Variants in ZPBP observed in about 807,000 individuals in gnomAD.
ZPBP encodes zona pellucida binding protein.
Under a neutral mutation model 44.8 loss-of-function variants are expected in ZPBP, and 26 were observed. That is an observed-to-expected ratio of 0.58 (90% confidence interval 0.43 to 0.81). The LOEUF (loss-of-function observed/expected upper bound fraction) is 0.81, where lower values mean the gene tolerates loss of function less well. Ranked by LOEUF, ZPBP falls within the 30% of genes least tolerant of loss-of-function variation. The pLI is 0.00. For missense variants in ZPBP, 409 were observed against 434.0 expected (o/e 0.94, Z 0.51); for synonymous variants, 174 against 153.2 (o/e 1.14, Z -1.00).
chr7:50,044,208 AG>A (rs1383808711), intron 4 of ZPBP, among the ~76,000 whole-genome samples: 1 of 152,234 alleles, frequency 6.6e-6, no homozygotes, highest in Admixed American at 6.5e-5. Flanking sequence ...CACAGGAGAA[AG>A]CAGGAAAGAT....
intron 6 of ZPBP, among the ~76,000 whole-genome samples, chr7:49,988,262 T>C (rs752848448): frequency 1.3e-5 from 2 of 152,206 alleles, no homozygotes; most frequent in Non-Finnish European, 2.9e-5. Flanking sequence ...TTTCATATCA[T>C]CAAGTGTTTT....
chr7:49,963,963 T>TA (rs1433602015), intron 7 of ZPBP, among the ~76,000 whole-genome samples: 1 of 151,834 alleles, frequency 6.6e-6, no homozygotes, highest in East Asian at 1.9e-4. Flanking sequence ...GTTAGCAAAT[T>TA]AGATACAGCA....
chr7:49,976,955 A>T (rs1304031550), intron 7 of ZPBP, among the ~76,000 whole-genome samples: 1 of 151,832 alleles, frequency 6.6e-6, no homozygotes, highest in African/African-American at 2.4e-5. Context: ...ACAAAAAATT[A>T]CCCGGGCACG....
At chr7:50,035,416 G>T (rs1799785819) in intron 4 of ZPBP, among the ~76,000 whole-genome samples, 1 of 152,174 alleles carries the variant, frequency 6.6e-6, no homozygotes, top group African/African-American at 2.4e-5. Flanking sequence ...CACCATAAGT[G>T]CAAATATCAA....
chr7:49,983,300 T>G, intron 7 of ZPBP, 42 bp downstream of exon 7: 1 of 1,592,348 alleles, frequency 6.3e-7, no homozygotes, highest in Non-Finnish European at 8.6e-7. Context: ...AACACATAAA[T>G]TTTCAACAAT....
intron 1 of ZPBP, among the ~76,000 whole-genome samples, chr7:50,092,695 TG>T (rs1803053058): frequency 6.6e-6 from 1 of 152,228 alleles, no homozygotes; most frequent in Non-Finnish European, 1.5e-5. Flanking sequence ...ACGGATAATT[TG>T]AAAGCAGCAG....
At chr7:50,019,220 A>G (rs973094415) in intron 5 of ZPBP, among the ~76,000 whole-genome samples, 3 of 152,088 alleles carry the variant, frequency 2.0e-5, no homozygotes, top group Non-Finnish European at 4.4e-5. Flanking sequence ...TAATTTATCT[A>G]CCAATCTTGA....
chr7:49,897,771 G>T (rs1192400326), intron 2 of ZPBP, among the ~76,000 whole-genome samples: 3 of 152,178 alleles, frequency 2.0e-5, no homozygotes, highest in Non-Finnish European at 2.9e-5. Context: ...CTGATGAATT[G>T]CTGGAAGTTT....
At chr7:49,984,604 T>C (rs1177332446) in intron 6 of ZPBP, among the ~76,000 whole-genome samples, 2 of 152,198 alleles carry the variant, frequency 1.3e-5, no homozygotes, top group African/African-American at 4.8e-5. Context: ...ATAGGGTTTG[T>C]GATCCAATGA....
chr7:50,011,080 C>G (rs1562843539), intron 6 of ZPBP, among the ~76,000 whole-genome samples: 1 of 152,000 alleles, frequency 6.6e-6, no homozygotes, highest in Non-Finnish European at 1.5e-5. Context: ...GTCAACTGAT[C>G]ATCAACAAGG....
At chr7:49,965,617 GT>G (rs1034005120) in intron 7 of ZPBP, among the ~76,000 whole-genome samples, 1 of 151,930 alleles carries the variant, frequency 6.6e-6, no homozygotes, top group East Asian at 1.9e-4. Context: ...ATACATGAGA[GT>G]TTTTTTGGTG....
At chr7:50,082,110 T>C (rs533128946) in intron 2 of ZPBP, among the ~76,000 whole-genome samples, 1 of 152,034 alleles carries the variant, frequency 6.6e-6, no homozygotes, top group East Asian at 1.9e-4. Flanking sequence ...TGTATGCATG[T>C]ATGTGTGTGT....
At chr7:50,043,256 C>T (rs553680940) in intron 4 of ZPBP, among the ~76,000 whole-genome samples, 35 of 152,292 alleles carry the variant, frequency 2.3e-4, no homozygotes, top group African/African-American at 7.2e-4. Flanking sequence ...TCAATAAATA[C>T]GTGGGTAAAA....
At chr7:49,945,910 C>T (rs1795085038) in intron 7 of ZPBP, among the ~76,000 whole-genome samples, 1 of 151,830 alleles carries the variant, frequency 6.6e-6, no homozygotes, top group Admixed American at 6.6e-5. Context: ...TCTTTTCCTT[C>T]TTTCTTTTCT....
chr7:49,967,664 T>C (rs554859088), intron 7 of ZPBP, among the ~76,000 whole-genome samples: 2 of 152,238 alleles, frequency 1.3e-5, no homozygotes, highest in African/African-American at 2.4e-5. Context: ...CTCCTGCCTC[T>C]ACCTCCTGAC....
chr7:50,042,383 C>T (rs1800136247), intron 4 of ZPBP, among the ~76,000 whole-genome samples: 1 of 152,044 alleles, frequency 6.6e-6, no homozygotes, highest in Admixed American at 6.6e-5. Flanking sequence ...TCAGACTCAC[C>T]GAAGGTTGAA....
chr7:50,078,334 C>T (rs1802202087), intron 3 of ZPBP, among the ~76,000 whole-genome samples: 1 of 151,406 alleles, frequency 6.6e-6, no homozygotes, highest in African/African-American at 2.4e-5. Flanking sequence ...TTTGATAGCA[C>T]AACAGGATGA....
chr7:49,947,405 A>C (rs1795145089), intron 7 of ZPBP, among the ~76,000 whole-genome samples: 1 of 152,158 alleles, frequency 6.6e-6, no homozygotes, highest in Admixed American at 6.5e-5. Flanking sequence ...CACTGCAGCT[A>C]TATCTGCATT....
the ZPBP span, among the ~76,000 whole-genome samples, chr7:49,844,179 C>T: frequency 2.6e-5 from 4 of 152,208 alleles, no homozygotes; most frequent in African/African-American, 7.2e-5. Flanking sequence ...AGACGGGAAT[C>T]GCACACTCAG....
Sources: allele counts gnomAD v4.1 joint callset (sites outside exome capture counted in the v4.1 genomes callset), GRCh38; gene constraint gnomAD v4.1.1; transcripts MANE v1.5; gene names NCBI Gene and HGNC (gene_info 2026-07-23, HGNC 2026-07-21).